Variants in TRIO observed in about 807,000 individuals in gnomAD.
The protein encoded by TRIO is trio Rho guanine nucleotide exchange factor.
Under a neutral mutation model 351.9 loss-of-function variants are expected in TRIO, and 58 were observed. The ratio of observed to expected loss-of-function variants is 0.16; its 90% CI spans 0.13 to 0.21. The LOEUF is 0.21. TRIO is among the 10% of genes least tolerant of loss of function. TRIO has a pLI of 1.00. For synonymous variants in TRIO, 1,758 were observed against 1,595.7 expected, an observed-to-expected ratio of 1.10 and a Z score of -2.42; for missense variants, 3,201 against 4,027.8, an observed-to-expected ratio of 0.79 and a Z score of 5.56.
In TRIO at chr5:14,481,288, C is replaced by A; in HGVS notation, c.6387+4C>A. On this transcript the variant is annotated splice_donor_region_variant and intron_variant, in intron 44 of 56. Coordinates refer to ENST00000344204, the MANE Select transcript of TRIO (RefSeq NM_007118.4). ...CCTGGATACATCAGAATTAGAGGTA[C>A]ATGCATCAGCGGCTGTGGGCACCCA... 1.9e-6 allele frequency: 3 copies of A among 1,613,676 alleles called. No individual in the cohort carries two copies. The highest frequency in any genetic ancestry group is 1.3e-5 in the African/African-American group (1 of 75,018).
At chr5:14,185,693 A>T (rs373181159) in intron 1 of TRIO, among the ~76,000 whole-genome samples, 1 of 152,304 alleles carries the variant, frequency 6.6e-6, no homozygotes, top group African/African-American at 2.4e-5. Flanking sequence ...GTTGCTAGGA[A>T]CGTGGTGGGT....
At chr5:14,261,974 A>G (rs1180226195) in intron 1 of TRIO, among the ~76,000 whole-genome samples, 1 of 152,228 alleles carries the variant, frequency 6.6e-6, no homozygotes, top group East Asian at 1.9e-4. Flanking sequence ...AGCCAGTTGC[A>G]TGCGTTGGAG....
At chr5:14,361,114 A>G (rs2152338297) in intron 13 of TRIO, among the ~76,000 whole-genome samples, 1 of 152,366 alleles carries the variant, frequency 6.6e-6, no homozygotes, top group Non-Finnish European at 1.5e-5. Flanking sequence ...ATTTTCAACT[A>G]GAAAACACAA....
chr5:14,251,690 C>T (rs538713143), intron 1 of TRIO, among the ~76,000 whole-genome samples: 2 of 152,278 alleles, frequency 1.3e-5, no homozygotes, highest in African/African-American at 2.4e-5. Context: ...GAGCCTTCAC[C>T]CTTGCTCACC....
chr5:14,389,270 C>A lies in TRIO; in HGVS notation c.3949-19C>A. On this transcript the variant is annotated intron_variant, in intron 24 of 56. Transcript: ENST00000344204. ...TATGGTGATTATTTTTGTCTAATCC[C>A]TGTTTCCCTCTCGGCTAGACGTACC... is the stretch of plus-strand genomic sequence containing the variant. The A allele has an allele frequency of 6.4e-7, 1 of 1,573,780 alleles. No individual in the cohort carries two copies. Among genetic ancestry groups the A allele is most frequent in the East Asian group, 2.3e-5 (1 of 43,712 alleles).
At chr5:14,271,151 T>C (rs1795953192) in intron 2 of TRIO, among the ~76,000 whole-genome samples, 1 of 152,218 alleles carries the variant, frequency 6.6e-6, no homozygotes, top group Admixed American at 6.5e-5. Context: ...TCAACAAAAA[T>C]TCAGCTGTTC....
At chr5:14,507,054 T>C in intron 55 of TRIO, 68 bp from the exon 56 acceptor site, 1 of 1,502,072 alleles carries the variant, frequency 6.7e-7, no homozygotes, top group South Asian at 1.4e-5. Flanking sequence ...CATGTTTACT[T>C]CTTACTAGCC....
chr5:14,143,747 GCCGCCGCCCCCGCCGCGT>G lies in TRIO; in HGVS notation c.25_42del (p.Ala9_Ser14del). ...AGCCATGAGCGGCAGCAGCGGCGGA[GCCGCCGCCCCCGCCGCGT>G]CCTCCGGCCCCGCCGCGGCGGCCAG... On this transcript the variant is annotated inframe_deletion, in exon 1 of 57. Transcript: ENST00000344204. 4.1e-6 allele frequency: 4 copies of G among 983,704 alleles called. No homozygotes were observed. The highest frequency in any genetic ancestry group is 4.8e-6 in the Non-Finnish European group (4 of 830,598). The allele number at this position is 983,704 out of a possible 1,614,324, so 60.9% of individuals were successfully genotyped here. A position where few individuals can be genotyped will look rare whatever the true frequency, so the allele number is the denominator to read the frequency against.
At chr5:14,437,424 A>G (rs1422371552) in intron 34 of TRIO, among the ~76,000 whole-genome samples, 2 of 152,104 alleles carry the variant, frequency 1.3e-5, no homozygotes, top group Non-Finnish European at 2.9e-5. Context: ...TTTATATTCC[A>G]TTTGGAGTAT....
intron 1 of TRIO, among the ~76,000 whole-genome samples, chr5:14,170,685 T>C (rs1044155761): frequency 6.6e-6 from 1 of 152,128 alleles, no homozygotes; most frequent in African/African-American, 2.4e-5. Flanking sequence ...TTTTGTACTT[T>C]AGTCGAGACG....
At chr5:14,276,585 A>C (rs923586282) in intron 2 of TRIO, among the ~76,000 whole-genome samples, 15 of 152,230 alleles carry the variant, frequency 9.9e-5, no homozygotes, top group African/African-American at 3.4e-4. Context: ...TTTTATTGTC[A>C]GTGTGAGTTA....
At chr5:14,452,943 A>G (rs1262477982) in intron 34 of TRIO, among the ~76,000 whole-genome samples, 2 of 152,102 alleles carry the variant, frequency 1.3e-5, no homozygotes, top group Non-Finnish European at 2.9e-5. Flanking sequence ...CCAAATTTAC[A>G]GACTGGGCCT....
intron 1 of TRIO, among the ~76,000 whole-genome samples, chr5:14,156,755 G>A (rs766740123): frequency 2.6e-5 from 4 of 152,166 alleles, no homozygotes; most frequent in Non-Finnish European, 5.9e-5. Context: ...TCAGCAGTTA[G>A]TGGTCAGCTT....
At chr5:14,483,235 T>C (rs1755664780) in intron 46 of TRIO, among the ~76,000 whole-genome samples, 1 of 152,146 alleles carries the variant, frequency 6.6e-6, no homozygotes, top group Non-Finnish European at 1.5e-5. Context: ...CTGATGTAGC[T>C]TATCCTCTAA....
chr5:14,438,507 C>T (rs151171244), intron 34 of TRIO, among the ~76,000 whole-genome samples: 4 of 152,318 alleles, frequency 2.6e-5, no homozygotes, highest in African/African-American at 7.2e-5. Flanking sequence ...AGTCACCCAC[C>T]TGTTTTCACC....
chr5:14,451,978 T>C (rs1375861836), intron 34 of TRIO, among the ~76,000 whole-genome samples: 1 of 152,248 alleles, frequency 6.6e-6, no homozygotes, highest in East Asian at 1.9e-4. Context: ...GAATTTGCAA[T>C]GCAAGACAGA....
intron 27 of TRIO, 141 bp from the exon 28 acceptor site, chr5:14,393,897 C>T (rs1747329453): frequency 4.1e-6 from 2 of 490,446 alleles, no homozygotes; most frequent in Non-Finnish European, 3.5e-6. Flanking sequence ...TTAAAAGCCT[C>T]TTAGGAAAAG....
At chr5:14,460,066 C>T (rs1350722392) in intron 34 of TRIO, among the ~76,000 whole-genome samples, 2 of 152,128 alleles carry the variant, frequency 1.3e-5, no homozygotes, top group Admixed American at 1.3e-4. Context: ...CAGGCGCCCA[C>T]CACCACACCC....
At chr5:14,151,770 G>A (rs1787853171) in intron 1 of TRIO, among the ~76,000 whole-genome samples, 1 of 152,132 alleles carries the variant, frequency 6.6e-6, no homozygotes, top group South Asian at 2.1e-4. Context: ...TTTTGCTGCT[G>A]CCATTGAAGG....
Sources: gnomAD v4.1 joint callset for allele counts (sites outside exome capture counted in the v4.1 genomes callset) on GRCh38, gnomAD v4.1.1 for gene constraint, MANE v1.5 for transcripts, NCBI Gene and HGNC (gene_info 2026-07-23, HGNC 2026-07-21) for gene names.